The following PPARGC1A variants were observed in gnomAD, a reference collection of about 807,000 sequenced individuals.
PPARGC1A encodes the protein peroxisome proliferator-activated receptor gamma coactivator 1-alpha.
PPARGC1A carries 25 observed loss-of-function variants against 88.7 expected under a neutral mutation model. The ratio of observed to expected loss-of-function variants is 0.28; its 90% CI spans 0.21 to 0.39. The LOEUF is 0.39. Ranked by LOEUF, PPARGC1A falls within the 10% of genes least tolerant of loss-of-function variation. PPARGC1A has a pLI of 1.00. For synonymous variants in PPARGC1A, 363 were observed against 355.6 expected (o/e 1.02, Z -0.24); for missense variants, 880 against 968.7 (o/e 0.91, Z 1.22).
the PPARGC1A span, among the ~76,000 whole-genome samples, chr4:24,058,897 A>G: frequency 6.6e-6 from 1 of 152,210 alleles, no homozygotes; most frequent in Non-Finnish European, 1.5e-5. Flanking sequence ...GTGAGCCGAG[A>G]TCATGCCATT....
chr4:23,831,501 C>T, intron 3 of PPARGC1A, 56 bp downstream of exon 3: 2 of 1,459,374 alleles, frequency 1.4e-6, no homozygotes, highest in Admixed American at 1.7e-5. Context: ...CATACCCATG[C>T]AGCGGGTAGC....
intron 3 of PPARGC1A, among the ~76,000 whole-genome samples, chr4:23,830,374 G>A (rs149348696): frequency 1.2e-3 from 187 of 152,244 alleles, no homozygotes; most frequent in Middle Eastern, 3.4e-3. Flanking sequence ...GGACTTCCCT[G>A]TTCTGACATA....
chr4:24,422,766 C>T, the PPARGC1A span, among the ~76,000 whole-genome samples: 1 of 152,084 alleles, frequency 6.6e-6, no homozygotes, highest in Non-Finnish European at 1.5e-5. Flanking sequence ...CAGTAACTTC[C>T]ATAATCATGC....
At chr4:23,928,044 T>C in the PPARGC1A span, among the ~76,000 whole-genome samples, 1 of 152,236 alleles carries the variant, frequency 6.6e-6, no homozygotes, top group Non-Finnish European at 1.5e-5. Context: ...CAGCAGCTAG[T>C]ATTTTAATAT....
the PPARGC1A span, among the ~76,000 whole-genome samples, chr4:24,093,046 G>A: frequency 6.6e-6 from 1 of 152,166 alleles, no homozygotes; most frequent in African/African-American, 2.4e-5. Context: ...ATGGACCTAG[G>A]TGTCCGATGC....
intron 2 of PPARGC1A, among the ~76,000 whole-genome samples, chr4:23,837,540 A>G (rs1227719211): frequency 6.6e-6 from 1 of 151,884 alleles, no homozygotes; most frequent in Non-Finnish European, 1.5e-5. Context: ...CACTGGGCCA[A>G]CTCCCCCCAA....
chr4:24,413,552 T>C, the PPARGC1A span, among the ~76,000 whole-genome samples: 1 of 152,192 alleles, frequency 6.6e-6, no homozygotes, highest in South Asian at 2.1e-4. Context: ...AATTTAATTC[T>C]GGCTATTAGC....
At chr4:23,877,110 AGT>A (rs922736676) in intron 2 of PPARGC1A, among the ~76,000 whole-genome samples, 2 of 152,088 alleles carry the variant, frequency 1.3e-5, no homozygotes, top group African/African-American at 4.8e-5. Flanking sequence ...CAAGAATAAG[AGT>A]GTGTATTTCA....
chr4:24,339,776 T>A, the PPARGC1A span, among the ~76,000 whole-genome samples: 1 of 152,252 alleles, frequency 6.6e-6, no homozygotes, highest in Admixed American at 6.5e-5. Context: ...TCTAGCTCTG[T>A]CGTCCAGGCT....
the PPARGC1A span, among the ~76,000 whole-genome samples, chr4:24,139,536 AAC>A: frequency 1.3e-5 from 2 of 152,176 alleles, no homozygotes; most frequent in African/African-American, 4.8e-5. Context: ...TGAAGAGAAA[AAC>A]AGAGTTTTGC....
intron 12 of PPARGC1A, among the ~76,000 whole-genome samples, chr4:23,796,911 C>CA (rs1577316053): frequency 1.3e-5 from 2 of 151,924 alleles, no homozygotes; most frequent in African/African-American, 4.8e-5. Flanking sequence ...TCGAAATGGT[C>CA]AAAGTAATAG....
At chr4:24,275,402 C>G in the PPARGC1A span, among the ~76,000 whole-genome samples, 1 of 152,174 alleles carries the variant, frequency 6.6e-6, no homozygotes, top group Admixed American at 6.5e-5. Context: ...AATTTATAAT[C>G]TAATACCCCA....
chr4:24,361,383 A>G, the PPARGC1A span, among the ~76,000 whole-genome samples: 3 of 152,236 alleles, frequency 2.0e-5, no homozygotes, highest in Non-Finnish European at 2.9e-5. Context: ...ATAACAATAT[A>G]GTCAACAAGA....
chr4:23,977,127 G>A, the PPARGC1A span, among the ~76,000 whole-genome samples: 1 of 152,068 alleles, frequency 6.6e-6, no homozygotes, highest in Non-Finnish European at 1.5e-5. Flanking sequence ...AGGAAGAGGA[G>A]AGGAATGCTC....
the PPARGC1A span, among the ~76,000 whole-genome samples, chr4:23,953,659 A>C: frequency 2.0e-4 from 31 of 152,206 alleles, 1 homozygote; most frequent in South Asian, 6.2e-3. Context: ...AGTGCATTGC[A>C]TGATCTGTTG....
At chr4:24,002,097 C>CAG in the PPARGC1A span, among the ~76,000 whole-genome samples, 2,139 of 125,292 alleles carry the variant, frequency 0.017, 28 homozygotes, top group South Asian at 0.032. Flanking sequence ...CACACACACA[C>CAG]AGAGAGAGAG....
At chr4:24,182,523 T>C in the PPARGC1A span, among the ~76,000 whole-genome samples, 1 of 152,160 alleles carries the variant, frequency 6.6e-6, no homozygotes, top group African/African-American at 2.4e-5. Flanking sequence ...AGTAATGGGA[T>C]TGCTGGGTCA....
the PPARGC1A span, among the ~76,000 whole-genome samples, chr4:24,356,306 T>C: frequency 1.3e-5 from 2 of 152,102 alleles, no homozygotes; most frequent in Non-Finnish European, 2.9e-5. Context: ...AATATTTTCA[T>C]AGACAGTCAC....
At chr4:24,403,947 C>T in the PPARGC1A span, among the ~76,000 whole-genome samples, 1 of 152,128 alleles carries the variant, frequency 6.6e-6, no homozygotes, top group African/African-American at 2.4e-5. Flanking sequence ...TAGAATTCTA[C>T]CTTCAAACTC....
Sources: gnomAD v4.1 joint callset for allele counts (sites outside exome capture counted in the v4.1 genomes callset) on GRCh38, gnomAD v4.1.1 for gene constraint, MANE v1.5 for transcripts, NCBI Gene and HGNC (gene_info 2026-07-23, HGNC 2026-07-21) for gene names.